Variants in RPS6KC1 observed in about 807,000 individuals in gnomAD.
RPS6KC1 encodes ribosomal protein S6 kinase C1, also known as inactive ribosomal protein S6 kinase delta-1.
Under a neutral mutation model 103.8 loss-of-function variants are expected in RPS6KC1, and 54 were observed. The ratio of observed to expected loss-of-function variants is 0.52; its 90% confidence interval spans 0.42 to 0.65. The LOEUF is 0.65. RPS6KC1 is among the 30% of genes least tolerant of loss of function. The probability of loss-of-function intolerance (pLI) is 0.00; values close to 1 mark genes in which losing one functional copy is unlikely to be tolerated. For synonymous variants in RPS6KC1, 439 were observed against 438.7 expected, an observed-to-expected ratio of 1.00 and a Z score of -0.01; for missense variants, 1,151 against 1,253.8, an observed-to-expected ratio of 0.92 and a Z score of 1.24.
the RPS6KC1 span, among the ~76,000 whole-genome samples, chr1:213,816,084 T>C: frequency 7.2e-4 from 109 of 152,316 alleles, no homozygotes; most frequent in African/African-American, 2.5e-3. Context: ...TTATTGATTA[T>C]GTTCGCTGTC....
At chr1:213,263,989 G>C (rs1274729274) in intron 14 of RPS6KC1, among the ~76,000 whole-genome samples, 1 of 152,088 alleles carries the variant, frequency 6.6e-6, no homozygotes, top group Non-Finnish European at 1.5e-5. Flanking sequence ...GGCAAGGAAG[G>C]AGTCTGAAAG....
chr1:213,128,983 T>C lies in RPS6KC1; in HGVS notation c.473-544T>C, dbSNP rs141157715. On this transcript the variant is annotated intron_variant, in intron 5 of 14. Coordinates refer to ENST00000366960, the MANE Select transcript of RPS6KC1 (RefSeq NM_012424.6). ...TAAGTAATACTATTAAGTAACCTGC[T>C]GTTGGTCACACAGTAAGTTTTAAGA... is the stretch of plus-strand genomic sequence containing the variant. Among the ~76,000 whole-genome samples the C allele has an allele frequency of 1.0e-3, 156 of 152,326 alleles. 1 individual carries two copies. The highest frequency in any genetic ancestry group is 1.5e-3 in the Non-Finnish European group (105 of 68,032).
chr1:213,146,879 A>T (rs1344607459), intron 6 of RPS6KC1, among the ~76,000 whole-genome samples: 1 of 152,026 alleles, frequency 6.6e-6, no homozygotes, highest in Non-Finnish European at 1.5e-5. Context: ...CGTCTTTTGG[A>T]TATAAGCCAT....
the RPS6KC1 span, among the ~76,000 whole-genome samples, chr1:213,533,208 C>T: frequency 3.5e-4 from 53 of 152,072 alleles, no homozygotes; most frequent in African/African-American, 1.2e-3. Flanking sequence ...CTGAGTCCAG[C>T]GGCAGTGGGA....
At chr1:213,397,900 C>T in the RPS6KC1 span, among the ~76,000 whole-genome samples, 7 of 152,128 alleles carry the variant, frequency 4.6e-5, no homozygotes, top group Admixed American at 6.5e-5. Context: ...CTCTGTTTGC[C>T]GCTGGAGTGA....
At chr1:213,176,891 A>G (rs1032669124) in intron 8 of RPS6KC1, among the ~76,000 whole-genome samples, 9 of 152,180 alleles carry the variant, frequency 5.9e-5, no homozygotes, top group Non-Finnish European at 1.3e-4. Flanking sequence ...AGCACCTACT[A>G]TATGTCGGAC....
intron 8 of RPS6KC1, among the ~76,000 whole-genome samples, chr1:213,215,900 AC>A (rs2093645640): frequency 6.6e-6 from 1 of 152,220 alleles, no homozygotes; most frequent in Non-Finnish European, 1.5e-5. Flanking sequence ...GAAAGGAACA[AC>A]CAGTACCAGC....
At chr1:213,372,485 G>C in the RPS6KC1 span, among the ~76,000 whole-genome samples, 13 of 152,328 alleles carry the variant, frequency 8.5e-5, no homozygotes, top group Admixed American at 7.8e-4. Flanking sequence ...GGGGGAGCAG[G>C]CTGGGTGTCT....
At chr1:213,448,902 C>G in the RPS6KC1 span, among the ~76,000 whole-genome samples, 1 of 152,294 alleles carries the variant, frequency 6.6e-6, no homozygotes, top group Non-Finnish European at 1.5e-5. Context: ...TCCCTGACCC[C>G]CAGGGTTCAT....
At chr1:213,311,960 C>T in the RPS6KC1 span, among the ~76,000 whole-genome samples, 615 of 146,534 alleles carry the variant, frequency 4.2e-3, 4 homozygotes, top group African/African-American at 0.015. Context: ...TGCAGTGGTG[C>T]GATCTTGGCT....
chr1:213,850,552 T>C, the RPS6KC1 span, among the ~76,000 whole-genome samples: 1 of 152,206 alleles, frequency 6.6e-6, no homozygotes, highest in Non-Finnish European at 1.5e-5. Context: ...TCCGATGAGC[T>C]ACTAAGCACC....
the RPS6KC1 span, among the ~76,000 whole-genome samples, chr1:213,846,896 G>A: frequency 6.6e-6 from 1 of 152,044 alleles, no homozygotes; most frequent in Non-Finnish European, 1.5e-5. Flanking sequence ...TAGGAGTCCA[G>A]GGATCTAAGC....
At chr1:213,198,100 G>A (rs1378156766) in intron 8 of RPS6KC1, among the ~76,000 whole-genome samples, 1 of 152,018 alleles carries the variant, frequency 6.6e-6, no homozygotes, top group East Asian at 1.9e-4. Flanking sequence ...TCGATGTTTT[G>A]TTTTAAGATT....
chr1:213,498,248 A>G, the RPS6KC1 span, among the ~76,000 whole-genome samples: 1 of 152,210 alleles, frequency 6.6e-6, no homozygotes, highest in African/African-American at 2.4e-5. Context: ...AAGATGTATA[A>G]GTGATGTATT....
chr1:213,107,987 G>GT (rs1169895517), intron 4 of RPS6KC1, among the ~76,000 whole-genome samples: 1 of 152,106 alleles, frequency 6.6e-6, no homozygotes, highest in African/African-American at 2.4e-5. Context: ...AGTTGTAAGA[G>GT]TTCTGAATAT....
intron 5 of RPS6KC1, among the ~76,000 whole-genome samples, chr1:213,127,317 G>C (rs1176607578): frequency 6.6e-6 from 1 of 152,160 alleles, no homozygotes; most frequent in South Asian, 2.1e-4. Flanking sequence ...AACCGTAACA[G>C]TACTCATTGC....
the RPS6KC1 span, among the ~76,000 whole-genome samples, chr1:213,776,939 A>C: frequency 1.3e-5 from 2 of 152,316 alleles, no homozygotes; most frequent in East Asian, 3.9e-4. Flanking sequence ...CTTATAAACC[A>C]ACCTCTGCTA....
At chr1:213,620,534 C>CT in the RPS6KC1 span, among the ~76,000 whole-genome samples, 37 of 152,162 alleles carry the variant, frequency 2.4e-4, no homozygotes, top group Non-Finnish European at 5.4e-4. Context: ...CACTTCTGCC[C>CT]CACTCTACTA....
At chr1:213,492,110 T>A in the RPS6KC1 span, among the ~76,000 whole-genome samples, 4 of 152,170 alleles carry the variant, frequency 2.6e-5, no homozygotes, top group African/African-American at 9.6e-5. Context: ...CTTTGGCCTC[T>A]TAAAATAGGG....
Sources: gnomAD v4.1 joint callset for allele counts (sites outside exome capture counted in the v4.1 genomes callset) on GRCh38, gnomAD v4.1.1 for gene constraint, MANE v1.5 for transcripts, NCBI Gene and HGNC (gene_info 2026-07-23, HGNC 2026-07-21) for gene names.